The following GAS7 variants were observed in gnomAD, a reference collection of about 807,000 sequenced individuals.
The protein encoded by GAS7 is growth arrest specific 7, also known as growth arrest-specific protein 7.
A neutral mutation model predicts 71.1 loss-of-function variants in GAS7; 28 were observed. The observed-to-expected ratio is 0.39, with a 90% CI of 0.29 to 0.54. GAS7 has a LOEUF of 0.54. GAS7 is among the 20% of genes least tolerant of loss of function. The pLI is 0.62. For missense variants in GAS7, 436 were observed against 627.8 expected, an observed-to-expected ratio of 0.69 and a Z score of 3.27; for synonymous variants, 258 against 245.8, an observed-to-expected ratio of 1.05 and a Z score of -0.46.
At chr17:10,149,979 A>C (rs1432328631) in intron 1 of GAS7, among the ~76,000 whole-genome samples, 1 of 152,162 alleles carries the variant, frequency 6.6e-6, no homozygotes, top group Non-Finnish European at 1.5e-5. Context: ...GTGACAGCTA[A>C]CAGGGAAGGG....
chr17:9,926,450 G>A lies in GAS7; in HGVS notation c.1014+191C>T, dbSNP rs934328983. On this transcript the variant is annotated intron_variant, in intron 10 of 13. Coordinates refer to ENST00000432992, the MANE Select transcript of GAS7 (RefSeq NM_201433.2). The surrounding 1 kb of genome is among the most constrained non-coding windows in gnomAD (Gnocchi z 5.0). ...GGTGGTCATTCCAGCACCACAGGGA[G>A]GCAGCTCCTATCTGCCCTTGGATGG... Among the ~76,000 whole-genome samples the A allele has an allele frequency of 6.6e-6, 1 of 152,228 alleles. No homozygotes were observed. Among genetic ancestry groups the A allele is most frequent in the African/African-American group, 2.4e-5 (1 of 41,464 alleles).
At chr17:9,990,125 C>T (rs572008386) in intron 2 of GAS7, among the ~76,000 whole-genome samples, 37 of 152,232 alleles carry the variant, frequency 2.4e-4, no homozygotes, top group Non-Finnish European at 4.4e-4. Context: ...AAAAATTAGC[C>T]GGGCGTGGTG....
chr17:9,965,291 C>A (rs2069660589), intron 4 of GAS7, among the ~76,000 whole-genome samples: 1 of 151,720 alleles, frequency 6.6e-6, no homozygotes, highest in East Asian at 1.9e-4. Context: ...CAATGATAGA[C>A]TAAAGAAAAT....
chr17:9,927,831 A>AG (rs1213329898), intron 9 of GAS7, among the ~76,000 whole-genome samples: 1 of 152,190 alleles, frequency 6.6e-6, no homozygotes, highest in Non-Finnish European at 1.5e-5. Flanking sequence ...GAACTGTTGG[A>AG]GACCTGCTGG....
At chr17:10,163,119 T>TTTC (rs1413664206) in intron 1 of GAS7, among the ~76,000 whole-genome samples, 2 of 152,108 alleles carry the variant, frequency 1.3e-5, no homozygotes, top group African/African-American at 4.8e-5. Flanking sequence ...AAAAATTATT[T>TTTC]TTCTTTGTAG....
At chr17:10,097,510 A>G (rs1302740772) in intron 1 of GAS7, among the ~76,000 whole-genome samples, 2 of 152,176 alleles carry the variant, frequency 1.3e-5, no homozygotes, top group African/African-American at 4.8e-5. Context: ...TGGACACACA[A>G]ATCAGGTGAA....
intron 2 of GAS7, among the ~76,000 whole-genome samples, chr17:10,016,202 G>A (rs1213037440): frequency 2.0e-5 from 3 of 151,508 alleles, no homozygotes; most frequent in African/African-American, 4.8e-5. Context: ...TGGCTAACAC[G>A]GTGAAACCCC....
intron 1 of GAS7, among the ~76,000 whole-genome samples, chr17:10,177,685 A>T (rs1043943583): frequency 6.6e-6 from 1 of 152,172 alleles, no homozygotes; most frequent in Non-Finnish European, 1.5e-5. Flanking sequence ...ATTATCAATC[A>T]TGTCAGCTGC....
chr17:9,970,106 C>T (rs1180325327), intron 3 of GAS7, among the ~76,000 whole-genome samples: 3 of 152,148 alleles, frequency 2.0e-5, no homozygotes, highest in East Asian at 1.9e-4. Context: ...ATGCCAGTCA[C>T]GGGTCCAATC....
chr17:10,120,900 C>T (rs1261097054), intron 1 of GAS7, among the ~76,000 whole-genome samples: 3 of 152,182 alleles, frequency 2.0e-5, no homozygotes, highest in Admixed American at 2.0e-4. Context: ...CTCATCCTTT[C>T]TCACCATTTC....
At chr17:10,120,479 G>A (rs2073895504) in intron 1 of GAS7, among the ~76,000 whole-genome samples, 1 of 152,206 alleles carries the variant, frequency 6.6e-6, no homozygotes, top group Non-Finnish European at 1.5e-5. Flanking sequence ...GGGAGGCCAA[G>A]GCGGGTGGAT....
chr17:9,940,438 C>A (rs1159387470), intron 7 of GAS7, among the ~76,000 whole-genome samples: 2 of 152,200 alleles, frequency 1.3e-5, no homozygotes, highest in African/African-American at 4.8e-5. Context: ...AGGACATTTT[C>A]TCCGGTCTCC....
chr17:10,183,086 T>C (rs2074428066), intron 1 of GAS7, among the ~76,000 whole-genome samples: 1 of 151,526 alleles, frequency 6.6e-6, no homozygotes, highest in African/African-American at 2.4e-5. Context: ...CGCTGCAGCT[T>C]CCCTTGCTTT....
rs191610942 is a variant in GAS7 at position 10,050,711 on chromosome 17, C to T, written c.184-30814G>A. On this transcript the variant is annotated intron_variant, in intron 1 of 13. Transcript: ENST00000432992. The stretch of plus-strand genomic sequence containing the variant: ...AGGCAAACCCCACGAAAGGAAGGGC[C>T]CAGGGAGGAAACATCTGTGTATACA... Among the ~76,000 whole-genome samples the T allele has an allele frequency of 1.3e-3, 197 of 152,232 alleles. 1 individual carries two copies. Among genetic ancestry groups the T allele is most frequent in the African/African-American group, 4.6e-3 (191 of 41,538 alleles).
intron 1 of GAS7, among the ~76,000 whole-genome samples, chr17:10,089,517 GTA>G (rs774157000): frequency 0.016 from 1,716 of 104,832 alleles, 18 homozygotes; most frequent in South Asian, 0.023. Context: ...AGAGAACACA[GTA>G]AAAAAAAAAA....
rs961029002 is a variant in GAS7, at chr17:9,913,248, C to T, written c.*3980G>A. ...GATGGCAAGGATTATGGGGATAAGACGATGTCCAGGCTACGTGGGGGGGCA... is the reference window on the plus strand; with the variant it reads ...GATGGCAAGGATTATGGGGATAAGATGATGTCCAGGCTACGTGGGGGGGCA... On this transcript the variant is annotated 3_prime_UTR_variant, in exon 14 of 14. Transcript: ENST00000432992. 20 of 232,256 alleles carry T rather than the reference C, an allele frequency of 8.6e-5. No homozygotes were observed. The highest frequency in any genetic ancestry group is 1.4e-4 in the Non-Finnish European group (17 of 117,478). The allele number at this position is 232,256 out of a possible 1,614,324, so 14.4% of individuals were successfully genotyped here. A position where few individuals can be genotyped will look rare whatever the true frequency, so the allele number is the denominator to read the frequency against.
At chr17:10,133,328 G>A (rs2074013989) in intron 1 of GAS7, among the ~76,000 whole-genome samples, 1 of 151,902 alleles carries the variant, frequency 6.6e-6, no homozygotes, top group Admixed American at 6.6e-5. Flanking sequence ...TCACCATGTT[G>A]GCCAGGCTGG....
intron 2 of GAS7, among the ~76,000 whole-genome samples, chr17:9,987,827 T>A (rs1017569869): frequency 1.3e-5 from 2 of 152,228 alleles, no homozygotes; most frequent in African/African-American, 2.4e-5. Flanking sequence ...TAAGGCTGCA[T>A]CCTGCCTGCA....
At chr17:10,186,888 C>CAAAAAA (rs10627234) in intron 1 of GAS7, among the ~76,000 whole-genome samples, 8,298 of 148,284 alleles carry the variant, frequency 0.056, 366 homozygotes, top group East Asian at 0.17. Flanking sequence ...ATTCTGTCTC[C>CAAAAAA]AAAAAAAAAC....
Sources: allele counts gnomAD v4.1 joint callset (sites outside exome capture counted in the v4.1 genomes callset), GRCh38; gene constraint gnomAD v4.1.1; non-coding constraint Gnocchi (gnomAD v3.1); transcripts MANE v1.5; gene names NCBI Gene and HGNC (gene_info 2026-07-23, HGNC 2026-07-21).